Variants in XPO6 observed in about 807,000 individuals in gnomAD.
XPO6 encodes the protein exportin-6.
XPO6 carries 3 observed loss-of-function variants against 130.0 expected under a neutral mutation model. The ratio of observed to expected loss-of-function variants is 0.02; its 90% CI spans 0.01 to 0.06. The LOEUF (loss-of-function observed/expected upper bound fraction) is 0.06, where lower values mean the gene tolerates loss of function less well. Among genes scored for constraint, XPO6 ranks in the 10% least tolerant of loss-of-function variants. The pLI, the probability that XPO6 is intolerant of heterozygous loss-of-function variation, is 1.00. For missense variants in XPO6, 970 were observed against 1,393.0 expected, an observed-to-expected ratio of 0.70 and a Z score of 4.83; for synonymous variants, 524 against 548.9, an observed-to-expected ratio of 0.95 and a Z score of 0.63.
chr16:28,146,786 G>A (rs998354816), intron 8 of XPO6, among the ~76,000 whole-genome samples: 2 of 152,178 alleles, frequency 1.3e-5, no homozygotes, highest in African/African-American at 4.8e-5. Flanking sequence ...CAAAAGCAAG[G>A]GTGTCAAACG....
At chr16:28,138,268 T>C (rs746839828) in intron 9 of XPO6, among the ~76,000 whole-genome samples, 7 of 152,316 alleles carry the variant, frequency 4.6e-5, no homozygotes, top group African/African-American at 1.4e-4. Context: ...TTCCACACTA[T>C]AAATTGCTGT....
chr16:28,209,536 A>C (rs1287833190), intron 1 of XPO6, among the ~76,000 whole-genome samples: 1 of 150,044 alleles, frequency 6.7e-6, no homozygotes, highest in African/African-American at 2.5e-5. Context: ...GCTACTCGGG[A>C]GGCTGAGGCA....
rs867960656 is a variant in XPO6, at chr16:28,132,655, A to T, written c.1537-252T>A. Among the ~76,000 whole-genome samples, 197 of 73,444 alleles carry T rather than the reference A, an allele frequency of 2.7e-3. 2 individuals carry two copies. The Middle Eastern group carries it at 0.048, about 18-fold the overall frequency. 48.2% of individuals were successfully genotyped at this position (73,444 alleles called of 152,430 possible). A position where few individuals can be genotyped will look rare whatever the true frequency, so the allele number is the denominator to read the frequency against. The stretch of plus-strand genomic sequence containing the variant: ...AACGTATTAGTTCAACCCTTTTTTT[A>T]AAAAAAAAAAAAAAGCAAAGGACAC... On this transcript the variant is annotated intron_variant, in intron 11 of 23. Transcript: ENST00000304658. The surrounding 1 kb of genome is among the most constrained non-coding windows in gnomAD (Gnocchi z 4.0).
At chr16:28,113,551 AACGTGT>A (rs1340630179) in intron 15 of XPO6, among the ~76,000 whole-genome samples, 1 of 152,226 alleles carries the variant, frequency 6.6e-6, no homozygotes, top group Admixed American at 6.5e-5. Context: ...AAAGGAGAAA[AACGTGT>A]TACAGATGGG....
intron 1 of XPO6, among the ~76,000 whole-genome samples, chr16:28,197,034 T>C (rs2043875386): frequency 6.6e-6 from 1 of 152,132 alleles, no homozygotes; most frequent in African/African-American, 2.4e-5. Flanking sequence ...GGCAGATCAC[T>C]TCAGGTCAGG....
chr16:28,190,223 ATT>A (rs753474910), intron 1 of XPO6, among the ~76,000 whole-genome samples: 12 of 136,030 alleles, frequency 8.8e-5, no homozygotes, highest in Admixed American at 7.6e-5. Context: ...TTCTTTCTTT[ATT>A]TTTTTTTTTT....
At chr16:28,137,648 T>G (rs1294039490) in intron 9 of XPO6, among the ~76,000 whole-genome samples, 1 of 152,192 alleles carries the variant, frequency 6.6e-6, no homozygotes, top group East Asian at 1.9e-4. Flanking sequence ...GTATCTTTTT[T>G]TTTTTTAACT....
At chr16:28,166,400 C>A in intron 6 of XPO6, 108 bp downstream of exon 6, 1 of 1,195,426 alleles carries the variant, frequency 8.4e-7, no homozygotes, top group Admixed American at 2.3e-5. Context: ...CTCTAGTGAT[C>A]CTCCCACCTC....
intron 17 of XPO6, among the ~76,000 whole-genome samples, chr16:28,110,363 C>T (rs1289760861): frequency 6.6e-6 from 1 of 152,228 alleles, no homozygotes. Flanking sequence ...TAGTTTCAGG[C>T]AAGACCTTTA....
chr16:28,175,982 C>T lies in XPO6; in HGVS notation c.321G>A (p.Arg107=), dbSNP rs1404829519. The change falls in exon 4 of 24, where the codon CGG becomes CGA. Residue 107 remains arginine (R), a synonymous_variant. Coordinates refer to ENST00000304658, the MANE Select transcript of XPO6 (RefSeq NM_015171.4). ...CAACAATAACTTTGCAGAGCTTGTTCCGGATAAAGTAAGGTAAGGTTTTAT... is the reference window on the plus strand; with the variant it reads ...CAACAATAACTTTGCAGAGCTTGTTTCGGATAAAGTAAGGTAAGGTTTTAT... ...AHHKTLPYFI[R]NKLCKVIVDI... The T allele has an allele frequency of 1.2e-6, 2 of 1,614,010 alleles. No homozygotes were observed. Among genetic ancestry groups the T allele is most frequent in the Non-Finnish European group, 1.7e-6 (2 of 1,180,038 alleles).
In XPO6 at chr16:28,107,726, AT is replaced by A. The variant is rs1567592799; in HGVS notation, c.2342-50del. The A allele has an allele frequency of 2.5e-6, 4 of 1,603,300 alleles. No homozygotes were observed. The Admixed American group carries it at 6.7e-5, about 27-fold the overall frequency. On this transcript the variant is annotated intron_variant, in intron 17 of 23. Coordinates refer to ENST00000304658, the MANE Select transcript of XPO6 (RefSeq NM_015171.4). ...GTTATAAGCTGTCTGGGGAGAAAGC[AT>A]GGTAAGAGGAGACACAAGGGAGAGG...
rs1055323034 is a variant in XPO6 at position 28,211,537 on chromosome 16, G to A, written c.-169C>T. 1.3e-5 allele frequency: 8 copies of A among 635,040 alleles called. No individual in the cohort carries two copies. Among genetic ancestry groups the A allele is most frequent in the Middle Eastern group, 4.8e-4 (1 of 2,078 alleles). 39.3% of individuals were successfully genotyped at this position (635,040 alleles called of 1,614,324 possible). Reference sequence around the variant, plus strand: ...GGGACCCTCTAAAAAGGGCAGGGCCGCCCGGGTCGCCTCATCGGGGGACCC... The same window carrying A: ...GGGACCCTCTAAAAAGGGCAGGGCCACCCGGGTCGCCTCATCGGGGGACCC... On this transcript the variant is annotated 5_prime_UTR_variant, in exon 1 of 24. Transcript: ENST00000304658.
intron 8 of XPO6, among the ~76,000 whole-genome samples, chr16:28,148,617 T>TA (rs1233772557): frequency 6.6e-6 from 1 of 152,238 alleles, no homozygotes; most frequent in Non-Finnish European, 1.5e-5. Context: ...GTGATCTTCA[T>TA]AAGTCTTGGA....
chr16:28,193,825 C>T (rs1450440750), intron 1 of XPO6, among the ~76,000 whole-genome samples: 2 of 152,172 alleles, frequency 1.3e-5, no homozygotes, highest in Non-Finnish European at 2.9e-5. Flanking sequence ...CTAGAAGTGA[C>T]TCAGTCCGTC....
rs1296778809 is a variant in XPO6, at chr16:28,101,948, A to G, written c.2947-3T>C. The G allele has an allele frequency of 1.9e-6, 3 of 1,613,146 alleles. No individual in the cohort carries two copies. Among genetic ancestry groups the G allele is most frequent in the Admixed American group, 1.7e-5 (1 of 59,932 alleles). On this transcript the variant is annotated splice_polypyrimidine_tract_variant and splice_region_variant and intron_variant, in intron 21 of 23. Coordinates refer to ENST00000304658, the MANE Select transcript of XPO6 (RefSeq NM_015171.4). The surrounding 1 kb of genome is among the most constrained non-coding windows in gnomAD (Gnocchi z 5.4). ...TGGAGAAAGGACTGTCCGAAAGCCT[A>G]GGAAATGAGACCACCATTTTATAAA...
chr16:28,206,262 C>T (rs1230641987), intron 1 of XPO6, among the ~76,000 whole-genome samples: 1 of 151,994 alleles, frequency 6.6e-6, no homozygotes, highest in African/African-American at 2.4e-5. Flanking sequence ...ATTATTTGGC[C>T]TGGTGTGGTG....
chr16:28,108,206 C>G (rs1007611348), intron 17 of XPO6, among the ~76,000 whole-genome samples: 3 of 152,206 alleles, frequency 2.0e-5, no homozygotes, highest in African/African-American at 7.2e-5. Flanking sequence ...CAAGAACAAC[C>G]TGCCTGATCC....
At chr16:28,174,857 C>T (rs1341026273) in intron 4 of XPO6, among the ~76,000 whole-genome samples, 2 of 152,140 alleles carry the variant, frequency 1.3e-5, no homozygotes, top group African/African-American at 2.4e-5. Context: ...CCAAGACTAG[C>T]TCAATACATG....
At chr16:28,177,501 C>T (rs1457578509) in intron 2 of XPO6, among the ~76,000 whole-genome samples, 169 bp from the exon 3 acceptor site, 2 of 152,160 alleles carry the variant, frequency 1.3e-5, no homozygotes, top group Admixed American at 1.3e-4. Flanking sequence ...TATTTTTCTG[C>T]GTCTGAGGTG....
Sources: gnomAD v4.1 joint callset for allele counts (sites outside exome capture counted in the v4.1 genomes callset) on GRCh38, gnomAD v4.1.1 for gene constraint, Gnocchi (gnomAD v3.1) non-coding constraint, MANE v1.5 for transcripts, NCBI Gene and HGNC (gene_info 2026-07-23, HGNC 2026-07-21) for gene names.